TBL1X: variants seen among roughly 807,000 people sequenced by gnomAD.
TBL1X encodes F-box-like/WD repeat-containing protein TBL1X.
In TBL1X, 10 loss-of-function variants were observed where a neutral mutation model predicts 50.7. That is an observed-to-expected ratio of 0.20 (90% CI 0.12 to 0.33). The LOEUF (loss-of-function observed/expected upper bound fraction) is 0.33. TBL1X is among the 10% of genes least tolerant of loss of function. The probability of loss-of-function intolerance (pLI) is 1.00; values close to 1 mark genes in which losing one functional copy is unlikely to be tolerated. For synonymous variants in TBL1X, 190 were observed against 214.7 expected (o/e 0.88, Z 1.01); for missense variants, 340 against 504.4 (o/e 0.67, Z 3.12).
At chrX:9,489,305 G>A (rs1076174) in intron 1 of TBL1X, among the ~76,000 whole-genome samples, 4,698 of 111,312 alleles carry the variant, frequency 0.042, 98 homozygotes, top group South Asian at 0.11. Context: ...TGGCTTCACA[G>A]AATGGTGGAG....
intron 2 of TBL1X, among the ~76,000 whole-genome samples, chrX:9,587,634 T>C (rs1446219151): frequency 9.0e-6 from 1 of 111,316 alleles, no homozygotes; most frequent in Non-Finnish European, 1.9e-5. Context: ...TGTATTTTAA[T>C]AGCTTTATTG....
intron 2 of TBL1X, among the ~76,000 whole-genome samples, chrX:9,545,231 T>C (rs1333429278): frequency 6.3e-5 from 7 of 110,257 alleles, no homozygotes; most frequent in Non-Finnish European, 1.1e-4. Context: ...GGTCCCCCCA[T>C]TTTTATGGTT....
At chrX:9,590,402 TA>T (rs199860097) in intron 2 of TBL1X, among the ~76,000 whole-genome samples, 1 of 110,213 alleles carries the variant, frequency 9.1e-6, no homozygotes, top group Non-Finnish European at 1.9e-5. Context: ...CACGAATAAG[TA>T]AAAAAAACAT....
At chrX:9,713,334 A>G (rs1033087442) in intron 16 of TBL1X, among the ~76,000 whole-genome samples, 2 of 111,226 alleles carry the variant, frequency 1.8e-5, no homozygotes, top group African/African-American at 6.6e-5. Context: ...TATCAAAACA[A>G]TGACATGATC....
chrX:9,564,562 G>A (rs1308084761), intron 2 of TBL1X, among the ~76,000 whole-genome samples: 3 of 110,177 alleles, frequency 2.7e-5, no homozygotes, highest in Admixed American at 9.6e-5. Context: ...GTGAAACCTC[G>A]TCTCTACTAA....
Position 9,654,196 on chromosome X carries a change from C to T in TBL1X, c.104-19C>T, listed in dbSNP as rs186053249. The T allele has an allele frequency of 1.7e-6, 2 of 1,188,460 alleles. No homozygotes were observed. The highest frequency in any genetic ancestry group is 2.3e-6 in the Non-Finnish European group (2 of 881,677). The stretch of plus-strand genomic sequence containing the variant: ...AAAATACAAGCAGTGTTTCAAAACT[C>T]TCTTCTCTTTTTGAACAGAGGGTGG... On this transcript the variant is annotated intron_variant, in intron 4 of 17. Transcript: ENST00000645353.
At position 9,501,406 on chromosome X, in the gene TBL1X, G is replaced by T. The variant is rs752038279; in HGVS notation, c.-200-374G>T. ...GTGAGCTTAGCACCTTGTGGCACGG[G>T]GCTGTGGTGAGGGACTCAGACAGCT... On this transcript the variant is annotated intron_variant, in intron 1 of 17. Coordinates refer to ENST00000645353, the MANE Select transcript of TBL1X (RefSeq NM_005647.4). Among the ~76,000 whole-genome samples, 7 of 112,037 alleles carry T rather than the reference G, an allele frequency of 6.2e-5. No homozygotes were observed. The East Asian group carries it at 2.0e-3, about 32-fold the overall frequency.
At chrX:9,491,227 C>A (rs1463791407) in intron 1 of TBL1X, among the ~76,000 whole-genome samples, 1 of 104,915 alleles carries the variant, frequency 9.5e-6, no homozygotes. Flanking sequence ...AAGCAATCCT[C>A]CTGCCTAGGC....
chrX:9,479,821 G>A (rs748693824), intron 1 of TBL1X, among the ~76,000 whole-genome samples: 19 of 111,909 alleles, frequency 1.7e-4, no homozygotes, highest in South Asian at 1.5e-3. Context: ...GGTTAAAATT[G>A]CTTATTTACC....
chrX:9,713,421 C>CTTTTTTTTTTTT (rs757107084), intron 16 of TBL1X, among the ~76,000 whole-genome samples: 1 of 87,575 alleles, frequency 1.1e-5, no homozygotes. Context: ...ATCCTTAGGA[C>CTTTTTTTTTTTT]TTTTCTTTTT....
chrX:9,634,725 C>T (rs2082737448), intron 2 of TBL1X, among the ~76,000 whole-genome samples: 1 of 111,166 alleles, frequency 9.0e-6, no homozygotes, highest in African/African-American at 3.3e-5. Context: ...TTTCAGATGA[C>T]ACATACTAAA....
chrX:9,683,438 G>T (rs1423614422), intron 5 of TBL1X, among the ~76,000 whole-genome samples: 1 of 112,133 alleles, frequency 8.9e-6, no homozygotes, highest in African/African-American at 3.2e-5. Context: ...GCATCAATTA[G>T]CAAAGAGAAA....
At chrX:9,674,679 A>ACCCCCCC (rs1569094481) in intron 5 of TBL1X, among the ~76,000 whole-genome samples, 1 of 1,053 alleles carries the variant, frequency 9.5e-4, no homozygotes, top group African/African-American at 3.7e-3. Context: ...CTCCCGCCTC[A>ACCCCCCC]GCCCCCCCCC....
chrX:9,657,349 C>T (rs907715971), intron 5 of TBL1X, among the ~76,000 whole-genome samples: 2 of 112,284 alleles, frequency 1.8e-5, no homozygotes, highest in Admixed American at 9.4e-5. Context: ...GCTTCTCTGC[C>T]CTGGACCCAG....
chrX:9,635,620 G>A (rs2082742639), intron 2 of TBL1X, among the ~76,000 whole-genome samples: 1 of 111,892 alleles, frequency 8.9e-6, no homozygotes, highest in African/African-American at 3.3e-5. Context: ...TCTGGCATGC[G>A]CTTGTTGTTG....
chrX:9,498,878 A>G (rs1026945192), intron 1 of TBL1X, among the ~76,000 whole-genome samples: 2 of 112,288 alleles, frequency 1.8e-5, no homozygotes, highest in Non-Finnish European at 3.8e-5. Context: ...ATGATGAGAC[A>G]GAGGAGGCTT....
At chrX:9,606,730 A>C (rs1367587013) in intron 2 of TBL1X, among the ~76,000 whole-genome samples, 1 of 111,919 alleles carries the variant, frequency 8.9e-6, no homozygotes, top group Non-Finnish European at 1.9e-5. Flanking sequence ...TTTTGCTCTT[A>C]ATTGCATTTT....
In TBL1X at chrX:9,719,467, C is replaced by T. The variant is rs1213705118; in HGVS notation, c.*3221C>T. The T allele has an allele frequency of 9.0e-6, 1 of 111,178 alleles. No homozygotes were observed. The highest frequency in any genetic ancestry group is 1.9e-5 in the Non-Finnish European group (1 of 52,934). The allele number at this position is 111,178 out of a possible 1,213,427, so 9.2% of individuals were successfully genotyped here. ...TTTCTTGTCAAATGCAGAAATGTTC[C>T]TTCCGCCACTCACTGAAGTTTTGCA... On this transcript the variant is annotated 3_prime_UTR_variant, in exon 18 of 18. Transcript: ENST00000645353.
At chrX:9,506,199 C>T (rs1186851975) in intron 2 of TBL1X, among the ~76,000 whole-genome samples, 1 of 111,917 alleles carries the variant, frequency 8.9e-6, no homozygotes, top group Admixed American at 9.5e-5. Flanking sequence ...TCCTGGATGA[C>T]TCCTGGGTAA....
Sources: allele counts gnomAD v4.1 joint callset (sites outside exome capture counted in the v4.1 genomes callset), GRCh38; gene constraint gnomAD v4.1.1; transcripts MANE v1.5; gene names NCBI Gene and HGNC (gene_info 2026-07-23, HGNC 2026-07-21).